DCST1: variants seen among roughly 807,000 people sequenced by gnomAD.
The protein encoded by DCST1 is DC-STAMP domain containing 1, also known as E3 ubiquitin-protein ligase DCST1.
In DCST1, 78 loss-of-function variants were observed where a neutral mutation model predicts 89.1. That is an observed-to-expected ratio of 0.88 (90% CI 0.73 to 1.06). DCST1 has a LOEUF of 1.06. Ranked by LOEUF, DCST1 falls within the 50% of genes least tolerant of loss-of-function variation. The pLI is 0.00. For missense variants in DCST1, 900 were observed against 928.6 expected (o/e 0.97, Z 0.40); for synonymous variants, 364 against 371.9 (o/e 0.98, Z 0.24).
In DCST1 at chr1:155,047,837, G is replaced by A; in HGVS notation, c.1663G>A (p.Ala555Thr). 2 of 1,614,192 alleles carry A rather than the reference G, an allele frequency of 1.2e-6. No homozygotes were observed. Among genetic ancestry groups the A allele is most frequent in the South Asian group, 1.1e-5 (1 of 91,086 alleles). ...GGATGCCAGGGCCTACTGGAGAGCT[G>A]CAGTACCGATTGGCCTGTTAGTGTG... The part of the protein sequence containing the change: ...GLDARAYWRA[A>T]VPIGLLVCLC... Residue 555 changes from alanine to threonine, a missense_variant, in exon 15 of 17, where the codon GCA becomes ACA. Ala to Thr is a moderately conservative substitution (Grantham distance 58). Transcript: ENST00000295542.
At chr1:155,044,096 G>A (rs989517150) in intron 10 of DCST1, among the ~76,000 whole-genome samples, 3 of 152,200 alleles carry the variant, frequency 2.0e-5, no homozygotes, top group Non-Finnish European at 2.9e-5. Context: ...CCCCTATGTG[G>A]GGGGCCTAGA....
chr1:155,050,867 G>A lies in DCST1; in HGVS notation c.2120G>A (p.Ter707=). The A allele has an allele frequency of 6.2e-7, 1 of 1,608,410 alleles. No homozygotes were observed. The highest frequency in any genetic ancestry group is 2.2e-5 in the East Asian group (1 of 44,690). Residue 707 remains the stop codon, a stop_retained_variant, in exon 17 of 17, where the codon TGA becomes TAA. Transcript: ENST00000295542. ...AACGACGACACTGCCTACGCGGGGT[G>A]AAGAGGCGTCCTGCTCGCTCTTCCG... ...DSNDDTAYAG[*]
Position 155,050,800 on chromosome 1 carries a change from A to G in DCST1, c.2053A>G (p.Thr685Ala). The change falls in exon 17 of 17, where the codon ACG (threonine) becomes GCG (alanine). Residue 685 changes from threonine to alanine, a missense_variant. By Grantham distance (58) the Thr-to-Ala change is moderately conservative (BLOSUM62 0). Transcript: ENST00000295542. ...CATGCGGCAGCGGTGCCCGGTCTGC[A>G]CGCCCCGCGAAGAGCTCTCTTCCTC... ...DDMRQRCPVC[T>A]PREELSSSAF... The G allele has an allele frequency of 6.2e-7, 1 of 1,611,992 alleles. No individual in the cohort carries two copies. Among genetic ancestry groups the G allele is most frequent in the South Asian group, 1.1e-5 (1 of 90,764 alleles).
chr1:155,036,990 G>A (rs1356673693), intron 4 of DCST1, among the ~76,000 whole-genome samples: 1 of 152,234 alleles, frequency 6.6e-6, no homozygotes, highest in Non-Finnish European at 1.5e-5. Context: ...TCAAACCCCT[G>A]GGCTCAAGCT....
At chr1:155,043,548 C>A in intron 10 of DCST1, 39 bp downstream of exon 10, 1 of 1,538,278 alleles carries the variant, frequency 6.5e-7, no homozygotes. Context: ...CCTCCTCTGC[C>A]CCGGACTGGA....
rs749861071 is a variant in DCST1 at position 155,050,865 on chromosome 1, G to C, written c.2118G>C (p.Gly706=). The change falls in exon 17 of 17, where the codon GGG becomes GGC. Residue 706 remains glycine, a synonymous_variant. Transcript: ENST00000295542. The part of the protein sequence containing the change: ...SDSNDDTAYA[G] Reference sequence around the variant, plus strand: ...GCAACGACGACACTGCCTACGCGGGGTGAAGAGGCGTCCTGCTCGCTCTTC... The same window carrying C: ...GCAACGACGACACTGCCTACGCGGGCTGAAGAGGCGTCCTGCTCGCTCTTC... 1.1e-5 allele frequency: 18 copies of C among 1,608,356 alleles called. No individual in the cohort carries two copies. In the South Asian group the frequency reaches 1.6e-4, roughly 15 times the overall value.
At position 155,043,337 on chromosome 1, in the gene DCST1, T is replaced by C. The variant is rs768305329; in HGVS notation, c.1015-15T>C. 8.1e-6 allele frequency: 13 copies of C among 1,613,868 alleles called. No homozygotes were observed. The highest frequency in any genetic ancestry group is 1.1e-5 in the Non-Finnish European group (13 of 1,179,960). ...GGTGGCCGCAGGCTGAGTTTGCTCA[T>C]GTGCCCTCCACCAGGAAGAGAAGCA... On this transcript the variant is annotated splice_polypyrimidine_tract_variant and intron_variant, in intron 9 of 16. Transcript: ENST00000295542.
chr1:155,039,394 T>TC lies in DCST1; in HGVS notation c.263-7dup, dbSNP rs1369735810. 1.3e-6 allele frequency: 2 copies of TC among 1,562,206 alleles called. No individual in the cohort carries two copies. The highest frequency in any genetic ancestry group is 1.7e-6 in the Non-Finnish European group (2 of 1,152,574). On this transcript the variant is annotated splice_polypyrimidine_tract_variant and intron_variant, in intron 4 of 16. Coordinates refer to ENST00000295542, the MANE Select transcript of DCST1 (RefSeq NM_152494.4). Reference sequence around the variant, plus strand: ...CTTCAGCTCACCACCTCCTGGGCTCTCCTGACAGGCTTGGGGGCCATGGGC... The same window carrying TC: ...CTTCAGCTCACCACCTCCTGGGCTCTCCCTGACAGGCTTGGGGGCCATGGGC...
chr1:155,039,948 G>A (rs1051786280), intron 5 of DCST1, among the ~76,000 whole-genome samples: 4 of 128,914 alleles, frequency 3.1e-5, no homozygotes, highest in South Asian at 2.4e-4. Flanking sequence ...CCGAGATTGC[G>A]CCATTGCACT....
chr1:155,042,017 G>A (rs746661938), intron 8 of DCST1, among the ~76,000 whole-genome samples, 160 bp downstream of exon 8: 5 of 152,228 alleles, frequency 3.3e-5, no homozygotes, highest in Middle Eastern at 3.2e-3. Context: ...GCTCTGTGAC[G>A]CAGGGTGAGT....
At position 155,042,016 on chromosome 1, in the gene DCST1, C is replaced by T. The variant is rs115308284; in HGVS notation, c.892+159C>T. Among the ~76,000 whole-genome samples, 1,325 of 152,308 alleles carry T rather than the reference C, an allele frequency of 8.7e-3. 21 individuals carry two copies. Among genetic ancestry groups the T allele is most frequent in the African/African-American group, 0.03 (1,249 of 41,558 alleles). ...CTCCACCTGCTGAATAGCTCTGTGA[C>T]GCAGGGTGAGTTACAGCAAAGCTCT... On this transcript the variant is annotated intron_variant, in intron 8 of 16. Coordinates refer to ENST00000295542, the MANE Select transcript of DCST1 (RefSeq NM_152494.4).
At chr1:155,042,994 G>T (rs1660482933) in intron 9 of DCST1, 138 bp downstream of exon 9, 10 of 1,045,334 alleles carry the variant, frequency 9.6e-6, no homozygotes, top group African/African-American at 1.6e-5. Flanking sequence ...ACAAGGAGGG[G>T]GAATGTCGCT....
At chr1:155,040,652 G>T in intron 6 of DCST1, 28 bp downstream of exon 6, 1 of 1,534,276 alleles carries the variant, frequency 6.5e-7, no homozygotes, top group African/African-American at 1.4e-5. Flanking sequence ...GCAGAGCCTG[G>T]GGGGTCCCTC....
In DCST1 at chr1:155,049,651, C is replaced by T. The variant is rs1571574864; in HGVS notation, c.1870-966C>T. 2.0e-5 allele frequency among the ~76,000 whole-genome samples: 3 copies of T among 152,038 alleles called. No individual in the cohort carries two copies. The East Asian group carries it at 5.8e-4, about 29-fold the overall frequency. Reference sequence around the variant, plus strand: ...TGACATTATAAACAATGAGTGGCAGCCATTCTTATTTAATCAGTCCTAACA... The same window carrying T: ...TGACATTATAAACAATGAGTGGCAGTCATTCTTATTTAATCAGTCCTAACA... On this transcript the variant is annotated intron_variant, in intron 16 of 16. Coordinates refer to ENST00000295542, the MANE Select transcript of DCST1 (RefSeq NM_152494.4).
At chr1:155,046,562 C>T in intron 13 of DCST1, 76 bp downstream of exon 13, 5 of 1,466,168 alleles carry the variant, frequency 3.4e-6, no homozygotes, top group Non-Finnish European at 4.7e-6. Context: ...ACAGCCACCC[C>T]ACCCTAGTTC....
rs1386495022 is a variant in DCST1, at chr1:155,041,629, G to A, written c.748+16G>A. The A allele has an allele frequency of 3.1e-6, 5 of 1,614,046 alleles. No individual in the cohort carries two copies. Among genetic ancestry groups the A allele is most frequent in the African/African-American group, 1.3e-5 (1 of 75,046 alleles). The stretch of plus-strand genomic sequence containing the variant: ...CGTTGCTCCTGTGAGGGGTATCCCT[G>A]GGGAGTGGAGGGTGGGGTGGGATGT... On this transcript the variant is annotated intron_variant, in intron 7 of 16. Transcript: ENST00000295542.
rs1255162376 is a variant in DCST1, at chr1:155,034,095, C to A, written c.59C>A (p.Thr20Asn). ...GGGCAAAGAAGAAAACAGCCTCATA[C>A]CAGTGAGTCACTCAGCAGAGACCCA... Reference protein sequence around the residue: ...TRGQRRKQPHTTVQRLLTWGL... With the variant: ...TRGQRRKQPHNTVQRLLTWGL... The change falls in exon 2 of 17, where the codon ACC (threonine) becomes AAC (asparagine). Residue 20 changes from threonine to asparagine, a missense_variant and splice_region_variant. Coordinates refer to ENST00000295542, the MANE Select transcript of DCST1 (RefSeq NM_152494.4). The A allele has an allele frequency of 6.2e-7, 1 of 1,614,088 alleles. No homozygotes were observed. Among genetic ancestry groups the A allele is most frequent in the Non-Finnish European group, 8.5e-7 (1 of 1,179,992 alleles).
At chr1:155,040,354 C>A in intron 5 of DCST1, 131 bp from the exon 6 acceptor site, 1 of 865,822 alleles carries the variant, frequency 1.2e-6, no homozygotes, top group Non-Finnish European at 1.6e-6. Flanking sequence ...AACAAGTTGA[C>A]CTTTCATAGG....
Position 155,041,577 on chromosome 1 carries a change from A to C in DCST1, c.712A>C (p.Lys238Gln). 6.2e-7 allele frequency: 1 copy of C among 1,614,084 alleles called. No individual in the cohort carries two copies. Among genetic ancestry groups the C allele is most frequent in the South Asian group, 1.1e-5 (1 of 91,090 alleles). Reference protein sequence around the residue: ...PASRLHLSTQKMYELKTKLRC... With the variant: ...PASRLHLSTQQMYELKTKLRC... Reference sequence around the variant, plus strand: ...CTCCAGACTCCACCTGTCGACACAGAAGATGTATGAGCTGAAGACCAAGCT... The same window carrying C: ...CTCCAGACTCCACCTGTCGACACAGCAGATGTATGAGCTGAAGACCAAGCT... The change falls in exon 7 of 17, where the codon AAG (lysine) becomes CAG (glutamine). Residue 238 changes from lysine (K) to glutamine (Q), a missense_variant. Transcript: ENST00000295542.
Sources: allele counts gnomAD v4.1 joint callset (sites outside exome capture counted in the v4.1 genomes callset), GRCh38; gene constraint gnomAD v4.1.1; transcripts MANE v1.5; gene names NCBI Gene and HGNC (gene_info 2026-07-23, HGNC 2026-07-21).